Variants in EPSTI1 observed in about 807,000 individuals in gnomAD.
EPSTI1 encodes epithelial-stromal interaction protein 1.
EPSTI1 carries 66 observed loss-of-function variants against 49.9 expected under a neutral mutation model. The ratio of observed to expected loss-of-function variants is 1.32; its 90% CI spans 1.08 to 1.62. EPSTI1 has a LOEUF of 1.62. EPSTI1 is among the 40% of genes most tolerant of loss of function. The pLI is 0.00. For missense variants in EPSTI1, 394 were observed against 365.5 expected (o/e 1.08, Z -0.64); for synonymous variants, 137 against 130.7 (o/e 1.05, Z -0.33).
intron 3 of EPSTI1, among the ~76,000 whole-genome samples, chr13:42,966,794 G>A (rs1440906257): frequency 1.1e-5 from 1 of 87,770 alleles, no homozygotes; most frequent in African/African-American, 3.5e-5. Context: ...ACAGCTCATT[G>A]AGAACGGGCC....
intron 6 of EPSTI1, among the ~76,000 whole-genome samples, chr13:42,931,369 C>A (rs1399546145): frequency 2.0e-5 from 3 of 151,662 alleles, no homozygotes; most frequent in African/African-American, 4.8e-5. Context: ...CCGCGCCCGG[C>A]TAATTTTTTG....
intron 1 of EPSTI1, among the ~76,000 whole-genome samples, chr13:42,990,945 G>A (rs368623075): frequency 2.0e-5 from 3 of 152,290 alleles, no homozygotes; most frequent in East Asian, 3.9e-4. Context: ...TCATTCCATT[G>A]GCTAGAAAGA....
At chr13:42,991,765 C>T (rs1260504928) in intron 1 of EPSTI1, among the ~76,000 whole-genome samples, 3 of 152,198 alleles carry the variant, frequency 2.0e-5, no homozygotes, top group South Asian at 2.1e-4. Context: ...TGGAAGGAAC[C>T]GGGCTGGTTA....
intron 5 of EPSTI1, among the ~76,000 whole-genome samples, chr13:42,961,122 C>G (rs966939672): frequency 1.3e-5 from 2 of 152,184 alleles, no homozygotes; most frequent in Non-Finnish European, 2.9e-5. Context: ...CAAATCTTTA[C>G]TCTCCCTAGC....
chr13:42,920,596 GC>G (rs2037965213), intron 7 of EPSTI1, among the ~76,000 whole-genome samples: 2 of 152,246 alleles, frequency 1.3e-5, no homozygotes, highest in Admixed American at 1.3e-4. Context: ...CTCAGTAGAA[GC>G]CCTTCACCCC....
At position 42,900,154 on chromosome 13, in the gene EPSTI1, A is replaced by G. The variant is rs45519734; in HGVS notation, c.815+156T>C. On this transcript the variant is annotated intron_variant, in intron 9 of 10. Coordinates refer to ENST00000313624, the MANE Select transcript of EPSTI1 (RefSeq NM_033255.5). Reference sequence around the variant, plus strand: ...TACTTATATATGTAGCAGTTGGCATACCTCTACATATATCACGTCCCAATA... The same window carrying G: ...TACTTATATATGTAGCAGTTGGCATGCCTCTACATATATCACGTCCCAATA... Among the ~76,000 whole-genome samples, 1,394 of 152,314 alleles carry G rather than the reference A, an allele frequency of 9.2e-3. 17 individuals are homozygous for G. Among genetic ancestry groups the G allele is most frequent in the Middle Eastern group, 0.034 (10 of 294 alleles).
chr13:42,991,939 C>T (rs763902494), intron 1 of EPSTI1, 39 bp downstream of exon 1: 5 of 1,610,352 alleles, frequency 3.1e-6, no homozygotes, highest in Non-Finnish European at 4.2e-6. Context: ...GTTTGGGGCC[C>T]GGGCTCCCGC....
chr13:42,981,957 G>A (rs984274091), intron 1 of EPSTI1, among the ~76,000 whole-genome samples: 2 of 151,976 alleles, frequency 1.3e-5, no homozygotes, highest in African/African-American at 4.8e-5. Flanking sequence ...AAAAATCACT[G>A]TAAGTTACTA....
chr13:42,893,839 G>A (rs2037110745), intron 10 of EPSTI1, among the ~76,000 whole-genome samples: 1 of 152,136 alleles, frequency 6.6e-6, no homozygotes, highest in South Asian at 2.1e-4. Context: ...CTTGGATAAT[G>A]TCTTCAACTC....
rs71202243 is a variant in EPSTI1 at position 42,917,642 on chromosome 13, G to GAAAAAAA, written c.658-25_658-19dup. ...CTTCTGGCCTGTAAAGGTACAAAGAGAAAAAAAAAAAAAAAAACAACTTGA... is the reference window on the plus strand; with the variant it reads ...CTTCTGGCCTGTAAAGGTACAAAGAGAAAAAAAAAAAAAAAAAAAAAAAACAACTTGA... On this transcript the variant is annotated intron_variant, in intron 7 of 10. Coordinates refer to ENST00000313624, the MANE Select transcript of EPSTI1 (RefSeq NM_033255.5). The GAAAAAAA allele has an allele frequency of 1.4e-3, 608 of 426,294 alleles. 2 individuals are homozygous for GAAAAAAA. The highest frequency in any genetic ancestry group is 2.6e-3 in the Middle Eastern group (5 of 1,952). The allele number at this position is 426,294 out of a possible 1,614,324, so 26.4% of individuals were successfully genotyped here. A position where few individuals can be genotyped will look rare whatever the true frequency, so the allele number is the denominator to read the frequency against.
rs770836077 is a variant in EPSTI1, at chr13:42,992,133, C to T, written c.33G>A (p.Gly11=). 11 of 1,605,544 alleles carry T rather than the reference C, an allele frequency of 6.9e-6. No homozygotes were observed. The East Asian group carries it at 1.8e-4, about 26-fold the overall frequency. Reference sequence around the variant, plus strand: ...GGCGGGAGGCAGGGGAGGCGCCGAGCCCGGAGTTCACCACTCTATTGCGGG... The same window carrying T: ...GGCGGGAGGCAGGGGAGGCGCCGAGTCCGGAGTTCACCACTCTATTGCGGG... MNTRNRVVNS[G]LGASPASRPT... Residue 11 remains glycine (G), a synonymous_variant, in exon 1 of 11, where the codon GGG becomes GGA. Coordinates refer to ENST00000313624, the MANE Select transcript of EPSTI1 (RefSeq NM_033255.5).
intron 7 of EPSTI1, among the ~76,000 whole-genome samples, chr13:42,925,093 C>A (rs769212627): frequency 6.6e-6 from 1 of 152,184 alleles, no homozygotes; most frequent in Non-Finnish European, 1.5e-5. Context: ...GCCGCTTTCA[C>A]CTTCTAAGCA....
intron 1 of EPSTI1, among the ~76,000 whole-genome samples, chr13:42,971,333 T>C (rs191586214): frequency 6.6e-6 from 1 of 152,182 alleles, no homozygotes; most frequent in Admixed American, 6.5e-5. Flanking sequence ...TGTGCTTGAT[T>C]GATGTGTATT....
chr13:42,899,680 C>T (rs1280512540), intron 9 of EPSTI1, among the ~76,000 whole-genome samples: 3 of 152,184 alleles, frequency 2.0e-5, no homozygotes, highest in African/African-American at 4.8e-5. Context: ...CCCTAATGAA[C>T]TCAACTCGTG....
chr13:42,954,896 AAGG>A (rs1369693258), intron 5 of EPSTI1, among the ~76,000 whole-genome samples: 1 of 152,204 alleles, frequency 6.6e-6, no homozygotes, highest in African/African-American at 2.4e-5. Flanking sequence ...GGACCAGTGA[AAGG>A]AGAATATTGG....
At chr13:42,989,913 A>C (rs935171031) in intron 1 of EPSTI1, among the ~76,000 whole-genome samples, 1 of 151,884 alleles carries the variant, frequency 6.6e-6, no homozygotes, top group African/African-American at 2.4e-5. Flanking sequence ...TTTAAATCAG[A>C]AAGTGTTTCT....
At chr13:42,917,659 A>G (rs1018467279) in intron 7 of EPSTI1, 35 bp from the exon 8 acceptor site, 2 of 1,408,928 alleles carry the variant, frequency 1.4e-6, no homozygotes, top group Admixed American at 4.3e-5. Context: ...AAAAAAAAAA[A>G]CAACTTGATA....
intron 1 of EPSTI1, among the ~76,000 whole-genome samples, chr13:42,990,489 T>C (rs371888173): frequency 6.6e-6 from 1 of 152,344 alleles, no homozygotes; most frequent in African/African-American, 2.4e-5. Context: ...ATGCAAATCA[T>C]GTTCATCGTT....
At chr13:42,977,877 G>A (rs1280687878) in intron 1 of EPSTI1, among the ~76,000 whole-genome samples, 1 of 152,232 alleles carries the variant, frequency 6.6e-6, no homozygotes, top group Non-Finnish European at 1.5e-5. Flanking sequence ...AAGGCCTGGT[G>A]TGGTGGCTCA....
Sources: allele counts gnomAD v4.1 joint callset (sites outside exome capture counted in the v4.1 genomes callset), GRCh38; gene constraint gnomAD v4.1.1; transcripts MANE v1.5; gene names NCBI Gene and HGNC (gene_info 2026-07-23, HGNC 2026-07-21).